Variants in ZBTB25 observed in about 807,000 individuals in gnomAD.
The protein encoded by ZBTB25 is zinc finger and BTB domain containing 25, also known as zinc finger and BTB domain-containing protein 25.
Under a neutral mutation model 34.2 loss-of-function variants are expected in ZBTB25, and 20 were observed. The observed-to-expected ratio is 0.58, with a 90% confidence interval of 0.41 to 0.85. The LOEUF is 0.85. Among genes scored for constraint, ZBTB25 ranks in the 40% least tolerant of loss-of-function variants. ZBTB25 has a pLI of 0.00. For missense variants in ZBTB25, 437 were observed against 521.8 expected (o/e 0.84, Z 1.58); for synonymous variants, 175 against 186.4 (o/e 0.94, Z 0.50).
At chr14:64,450,226 G>C (rs1172959674) in intron 2 of ZBTB25, among the ~76,000 whole-genome samples, 1 of 152,208 alleles carries the variant, frequency 6.6e-6, no homozygotes, top group South Asian at 2.1e-4. Context: ...AGAAGAGAAG[G>C]TTACATATAG....
At chr14:64,490,644 C>G in intron 1 of ZBTB25, 104 bp from the exon 2 acceptor site, 2 of 1,026,532 alleles carry the variant, frequency 1.9e-6, no homozygotes, top group South Asian at 2.7e-5. Flanking sequence ...TACAGAGTAA[C>G]AAGGAGATCT....
chr14:64,477,714 CA>C (rs1555341747), downstream of ZBTB25, among the ~76,000 whole-genome samples: 270 of 151,946 alleles, frequency 1.8e-3, 1 homozygote, highest in Middle Eastern at 6.8e-3. Flanking sequence ...AATGCCAGTT[CA>C]AAAAAAAATT....
At position 64,487,385 on chromosome 14, in the gene ZBTB25, C is replaced by T; in HGVS notation, c.846G>A (p.Val282=). The T allele has an allele frequency of 1.2e-6, 2 of 1,614,148 alleles. No homozygotes were observed. Among genetic ancestry groups the T allele is most frequent in the East Asian group, 2.2e-5 (1 of 44,888 alleles). The change falls in exon 3 of 3, where the codon GTG becomes GTA. Residue 282 remains valine (V), a synonymous_variant. Coordinates refer to ENST00000608382, the MANE Select transcript of ZBTB25 (RefSeq NM_006977.5). ...CCTCGCTGTTTTCATTAAGGGGATGCACTTCACCAAGGTCATTACTTTCCA... is the reference window on the plus strand; with the variant it reads ...CCTCGCTGTTTTCATTAAGGGGATGTACTTCACCAAGGTCATTACTTTCCA... ...SILESNDLGE[V]HPLNENSEAL...
chr14:64,477,913 G>A (rs1471054591), downstream of ZBTB25: 3 of 152,216 alleles, frequency 2.0e-5, no homozygotes, highest in Admixed American at 6.5e-5. Context: ...ACCACAGTGG[G>A]TGAGAGCCAT....
At chr14:64,488,464 T>A (rs2078959896) in intron 2 of ZBTB25, among the ~76,000 whole-genome samples, 1 of 152,166 alleles carries the variant, frequency 6.6e-6, no homozygotes, top group Non-Finnish European at 1.5e-5. Context: ...GATACCTGTA[T>A]GCCAATGTTC....
chr14:64,471,470 C>T (rs369679403), intron 2 of ZBTB25: 1 of 166,918 alleles, frequency 6.0e-6, no homozygotes, highest in South Asian at 2.1e-4. Flanking sequence ...TATTTTCAAT[C>T]CAGATATACT....
At chr14:64,488,814 T>G (rs1166893327) in intron 2 of ZBTB25, among the ~76,000 whole-genome samples, 2 of 152,218 alleles carry the variant, frequency 1.3e-5, no homozygotes, top group Admixed American at 1.3e-4. Flanking sequence ...AAAAAAGTTT[T>G]GGAAATAGAC....
intron 2 of ZBTB25, chr14:64,459,714 A>G (rs1186739317): frequency 2.8e-5 from 24 of 849,042 alleles, no homozygotes; most frequent in Non-Finnish European, 3.6e-5. Flanking sequence ...GAAACATTTC[A>G]GTGCTTGCTT....
chr14:64,502,420 A>G (rs1356128169), intron 1 of ZBTB25: 3 of 155,470 alleles, frequency 1.9e-5, no homozygotes, highest in African/African-American at 7.2e-5. Context: ...CCCTTAACTA[A>G]AATATATCCA....
At chr14:64,452,667 C>A (rs1056373685) in intron 2 of ZBTB25, among the ~76,000 whole-genome samples, 1 of 152,126 alleles carries the variant, frequency 6.6e-6, no homozygotes, top group African/African-American at 2.4e-5. Context: ...TTTTCTAATA[C>A]CTGGGTGATT....
chr14:64,494,504 A>G (rs377357284), intron 1 of ZBTB25, among the ~76,000 whole-genome samples: 1 of 152,306 alleles, frequency 6.6e-6, no homozygotes, highest in South Asian at 2.1e-4. Flanking sequence ...GTGGTAGCAC[A>G]TGCCTGTAAT....
chr14:64,466,193 C>CT (rs757435364), intron 2 of ZBTB25, among the ~76,000 whole-genome samples: 41 of 152,292 alleles, frequency 2.7e-4, no homozygotes, highest in Non-Finnish European at 5.4e-4. Context: ...AGCACAGGGA[C>CT]TTTAAGATTT....
intron 2 of ZBTB25, chr14:64,471,430 G>C (rs1232642452): frequency 1.2e-5 from 2 of 166,844 alleles, no homozygotes; most frequent in African/African-American, 2.4e-5. Flanking sequence ...GGGATTACAG[G>C]CATGAGCCAC....
chr14:64,489,540 CTTT>C (rs372078564), intron 2 of ZBTB25, among the ~76,000 whole-genome samples: 2 of 142,468 alleles, frequency 1.4e-5, no homozygotes, highest in Non-Finnish European at 1.5e-5. Flanking sequence ...TTTCCTTTTT[CTTT>C]TTTTTTTTTT....
At chr14:64,488,200 G>A in intron 2 of ZBTB25, 143 bp from the exon 3 acceptor site, 2 of 1,298,812 alleles carry the variant, frequency 1.5e-6, no homozygotes, top group Admixed American at 2.8e-5. Context: ...TGGCAACAAA[G>A]GCTTAAACTT....
Position 64,482,939 on chromosome 14 carries a change from G to C in ZBTB25, c.*3984C>G, listed in dbSNP as rs1326893979. On this transcript the variant is annotated 3_prime_UTR_variant, in exon 3 of 3. Transcript: ENST00000608382. ...ACGGATGGGAAATCAGAAAGAGCAA[G>C]AAGTAACAATCTCAAGAGTTATAAA... 4 of 152,154 alleles carry C rather than the reference G, an allele frequency of 2.6e-5. No individual in the cohort carries two copies. The highest frequency in any genetic ancestry group is 9.7e-5 in the African/African-American group (4 of 41,420). The allele number at this position is 152,154 out of a possible 1,614,324, so 9.4% of individuals were successfully genotyped here. A position where few individuals can be genotyped will look rare whatever the true frequency, so the allele number is the denominator to read the frequency against.
chr14:64,505,010 C>T (rs2093709929), upstream of ZBTB25: 2 of 388,700 alleles, frequency 5.1e-6, no homozygotes, highest in Non-Finnish European at 4.6e-6. Context: ...GGCGACGGGC[C>T]GCGGGCCTGG....
chr14:64,453,041 T>C (rs2078401076), intron 2 of ZBTB25, among the ~76,000 whole-genome samples: 1 of 151,920 alleles, frequency 6.6e-6, no homozygotes, highest in Admixed American at 6.6e-5. Flanking sequence ...CTACTTTTTA[T>C]TTATGAAGAA....
At chr14:64,456,095 T>A (rs1049282205) in intron 2 of ZBTB25, among the ~76,000 whole-genome samples, 3 of 152,224 alleles carry the variant, frequency 2.0e-5, no homozygotes, top group Admixed American at 2.0e-4. Context: ...TACTCTTTCT[T>A]GTCACTTTTG....
Sources: gnomAD v4.1 joint callset for allele counts (sites outside exome capture counted in the v4.1 genomes callset) on GRCh38, gnomAD v4.1.1 for gene constraint, MANE v1.5 for transcripts, NCBI Gene and HGNC (gene_info 2026-07-23, HGNC 2026-07-21) for gene names.